Variants in WDR27 observed in about 807,000 individuals in gnomAD.
WDR27 encodes WD repeat domain 27.
In WDR27, 100 loss-of-function variants were observed where a neutral mutation model predicts 114.4. That is an observed-to-expected ratio of 0.87 (90% CI 0.74 to 1.03). The LOEUF is 1.03. Among genes scored for constraint, WDR27 ranks in the 50% least tolerant of loss-of-function variants. The probability of loss-of-function intolerance (pLI) is 0.00; values close to 1 mark genes in which losing one functional copy is unlikely to be tolerated. For missense variants in WDR27, 1,129 were observed against 1,092.9 expected (o/e 1.03, Z -0.47); for synonymous variants, 449 against 423.1 (o/e 1.06, Z -0.75).
intron 2 of WDR27, among the ~76,000 whole-genome samples, chr6:169,686,442 A>G (rs1032095369): frequency 1.3e-5 from 2 of 152,192 alleles, no homozygotes; most frequent in African/African-American, 4.8e-5. Context: ...TAAATAAATA[A>G]CATTCCCTAT....
chr6:169,441,609 G>A, the WDR27 span, among the ~76,000 whole-genome samples: 2 of 152,160 alleles, frequency 1.3e-5, no homozygotes, highest in Non-Finnish European at 2.9e-5. Context: ...CCATTTTTAC[G>A]CAGGAGATGC....
At position 169,516,610 on chromosome 6, in the gene WDR27, G is replaced by A. The variant is rs144917505; in HGVS notation, c.2645+55809C>T. Among the ~76,000 whole-genome samples, 42 of 152,188 alleles carry A rather than the reference G, an allele frequency of 2.8e-4. No homozygotes were observed. The East Asian group carries it at 7.5e-3, about 27-fold the overall frequency. On this transcript the variant is annotated intron_variant, in intron 25 of 25. Coordinates refer to ENST00000448612, the MANE Select transcript of WDR27 (RefSeq NM_182552.5). ...AACCTTGAGAGGGAAGACTGCTGAC[G>A]GGAGATGTCCATAGGGCTTAAAAGT...
chr6:169,637,901 T>C (rs952335727), intron 18 of WDR27, among the ~76,000 whole-genome samples: 1 of 151,972 alleles, frequency 6.6e-6, no homozygotes, highest in Non-Finnish European at 1.5e-5. Context: ...TGCATCTATA[T>C]GCGTGTGCCT....
At chr6:169,580,887 T>G (rs1803256930) in intron 24 of WDR27, among the ~76,000 whole-genome samples, 1 of 149,556 alleles carries the variant, frequency 6.7e-6, no homozygotes, top group African/African-American at 2.4e-5. Context: ...ACCAGCCAAA[T>G]TTTTAAAAAT....
chr6:169,640,047 G>A (rs1221804846), intron 17 of WDR27, among the ~76,000 whole-genome samples: 6 of 152,160 alleles, frequency 3.9e-5, no homozygotes, highest in Non-Finnish European at 7.4e-5. Flanking sequence ...TGAGCACCCG[G>A]GCTGGGATGG....
At chr6:169,665,297 G>A in intron 7 of WDR27, 189 bp downstream of exon 7, 2 of 1,357,268 alleles carry the variant, frequency 1.5e-6, no homozygotes, top group African/African-American at 2.9e-5. Context: ...CGCAGACCAG[G>A]GGGCCCAGGA....
At chr6:169,692,629 T>C (rs143432147) in intron 1 of WDR27, among the ~76,000 whole-genome samples, 315 of 152,314 alleles carry the variant, frequency 2.1e-3, no homozygotes, top group African/African-American at 6.4e-3. Context: ...ACAAACTGCA[T>C]GGGAGCTGGG....
chr6:169,597,877 T>TACAC (rs67336814), intron 23 of WDR27, among the ~76,000 whole-genome samples: 2,655 of 142,246 alleles, frequency 0.019, 62 homozygotes, highest in African/African-American at 0.052. Flanking sequence ...TTACCATTCA[T>TACAC]ACACACACAC....
At chr6:169,563,030 G>A (rs1799890424) in intron 25 of WDR27, among the ~76,000 whole-genome samples, 1 of 152,152 alleles carries the variant, frequency 6.6e-6, no homozygotes, top group African/African-American at 2.4e-5. Flanking sequence ...TGGGGCTTTT[G>A]GAAAATAATC....
chr6:169,446,570 G>T, the WDR27 span, among the ~76,000 whole-genome samples: 1 of 152,190 alleles, frequency 6.6e-6, no homozygotes, highest in Non-Finnish European at 1.5e-5. Flanking sequence ...GGGAGAAAAT[G>T]CCTTTTTTAT....
At chr6:169,444,794 C>T in the WDR27 span, among the ~76,000 whole-genome samples, 1 of 152,112 alleles carries the variant, frequency 6.6e-6, no homozygotes, top group Non-Finnish European at 1.5e-5. Context: ...ATACAGGGGC[C>T]TCTGTCATTC....
chr6:169,618,975 T>G (rs1020805945), intron 21 of WDR27, among the ~76,000 whole-genome samples: 25 of 152,214 alleles, frequency 1.6e-4, no homozygotes, highest in African/African-American at 5.3e-4. Flanking sequence ...TTTCAGGAAG[T>G]AAAACCCGTA....
At chr6:169,507,275 G>A (rs1792121362) in intron 25 of WDR27, among the ~76,000 whole-genome samples, 1 of 152,252 alleles carries the variant, frequency 6.6e-6, no homozygotes, top group Middle Eastern at 3.4e-3. Flanking sequence ...ATTGAAAGGA[G>A]TTTGAGGTGG....
chr6:169,633,851 A>G (rs1584757044), intron 20 of WDR27, among the ~76,000 whole-genome samples: 1 of 152,326 alleles, frequency 6.6e-6, no homozygotes, highest in African/African-American at 2.4e-5. Flanking sequence ...TCTAAAGAAA[A>G]CATACTGCAA....
Position 169,645,036 on chromosome 6 carries a change from T to G in WDR27, c.1658-1250A>C, listed in dbSNP as rs371823218. 4.5e-4 allele frequency among the ~76,000 whole-genome samples: 35 copies of G among 76,962 alleles called. 2 individuals are homozygous for G. The highest frequency in any genetic ancestry group is 1.1e-3 in the Admixed American group (7 of 6,356). The allele number at this position is 76,962 out of a possible 152,430, so 50.5% of individuals were successfully genotyped here. A position where few individuals can be genotyped will look rare whatever the true frequency, so the allele number is the denominator to read the frequency against. ...AAAAAAAAAAAATAAAAAAAAAAAA[T>G]AAAAAAAAAAAAAAAAAAAAAAGAA... On this transcript the variant is annotated intron_variant, in intron 16 of 25. Transcript: ENST00000448612.
Position 169,684,322 on chromosome 6 carries a change from C to A in WDR27, c.189+4495G>T, listed in dbSNP as rs773167643. Among the ~76,000 whole-genome samples, 6 of 152,100 alleles carry A rather than the reference C, an allele frequency of 3.9e-5. No homozygotes were observed. Among genetic ancestry groups the A allele is most frequent in the Non-Finnish European group, 8.8e-5 (6 of 68,000 alleles). ...AGTTGCTAAACACCTGTGCTCAGGA[C>A]CTGGGAAACACCCCTATGGCACCCC... On this transcript the variant is annotated intron_variant, in intron 2 of 25. Transcript: ENST00000448612. This position sits in a 1 kb window ranked among gnomAD's most constrained non-coding sequence, Gnocchi z 4.3.
At chr6:169,569,927 T>A (rs933123147) in intron 25 of WDR27, among the ~76,000 whole-genome samples, 1 of 152,200 alleles carries the variant, frequency 6.6e-6, no homozygotes, top group Non-Finnish European at 1.5e-5. Flanking sequence ...CCCAGAGCCA[T>A]CTACACTCAG....
At chr6:169,677,619 T>C (rs1397565205) in intron 2 of WDR27, among the ~76,000 whole-genome samples, 1 of 152,234 alleles carries the variant, frequency 6.6e-6, no homozygotes, top group Non-Finnish European at 1.5e-5. Flanking sequence ...AAGATATTTG[T>C]GTAACTAAAA....
Position 169,519,696 on chromosome 6 carries a change from T to A in WDR27, c.2645+52723A>T, listed in dbSNP as rs573992323. ...ACATGAGATTTGGGTGGTGGGAATA[T>A]CCAAACTATATCACCCCCCAACCAA... On this transcript the variant is annotated intron_variant, in intron 25 of 25. Transcript: ENST00000448612. Among the ~76,000 whole-genome samples, 37 of 152,110 alleles carry A rather than the reference T, an allele frequency of 2.4e-4. No individual in the cohort carries two copies. The Middle Eastern group carries it at 0.01, about 42-fold the overall frequency.
Sources: gnomAD v4.1 joint callset for allele counts (sites outside exome capture counted in the v4.1 genomes callset) on GRCh38, gnomAD v4.1.1 for gene constraint, Gnocchi (gnomAD v3.1) non-coding constraint, MANE v1.5 for transcripts, NCBI Gene and HGNC (gene_info 2026-07-23, HGNC 2026-07-21) for gene names.